The following PRKD1 variants were observed in gnomAD, a reference collection of about 807,000 sequenced individuals.
PRKD1 encodes protein kinase D1.
Under a neutral mutation model 95.9 loss-of-function variants are expected in PRKD1, and 63 were observed. The ratio of observed to expected loss-of-function variants is 0.66; its 90% CI spans 0.54 to 0.81. The LOEUF (loss-of-function observed/expected upper bound fraction) is 0.81. PRKD1 is among the 30% of genes least tolerant of loss of function. The probability of loss-of-function intolerance (pLI) is 0.00; values close to 1 mark genes in which losing one functional copy is unlikely to be tolerated. For synonymous variants in PRKD1, 425 were observed against 423.1 expected, an observed-to-expected ratio of 1.00 and a Z score of -0.05; for missense variants, 1,048 against 1,165.3, an observed-to-expected ratio of 0.90 and a Z score of 1.47.
chr14:29,769,438 A>G (rs1471308542), intron 1 of PRKD1, among the ~76,000 whole-genome samples: 1 of 152,138 alleles, frequency 6.6e-6, no homozygotes, highest in Admixed American at 6.6e-5. Context: ...GTGTGATAGC[A>G]TACACATGTA....
chr14:29,811,588 G>T (rs758473040), intron 1 of PRKD1, among the ~76,000 whole-genome samples: 1 of 152,196 alleles, frequency 6.6e-6, no homozygotes, highest in Non-Finnish European at 1.5e-5. Context: ...AGACCTGTGG[G>T]GCTCCTGCGT....
intron 1 of PRKD1, among the ~76,000 whole-genome samples, chr14:29,819,947 C>A (rs1261717642): frequency 6.6e-6 from 1 of 152,106 alleles, no homozygotes; most frequent in Non-Finnish European, 1.5e-5. Context: ...AGTTTGCCCT[C>A]AAGGTATTGA....
intron 1 of PRKD1, among the ~76,000 whole-genome samples, chr14:29,887,710 A>C (rs1391606011): frequency 6.6e-6 from 1 of 152,206 alleles, no homozygotes; most frequent in African/African-American, 2.4e-5. Context: ...TGTACCTTTT[A>C]TATACTTAGA....
chr14:29,830,758 T>C (rs1359312682), intron 1 of PRKD1, among the ~76,000 whole-genome samples: 2 of 151,974 alleles, frequency 1.3e-5, no homozygotes, highest in Admixed American at 6.6e-5. Flanking sequence ...AGTGGCATGA[T>C]CACGGCTCAC....
chr14:29,808,859 T>C (rs1890360928), intron 1 of PRKD1, among the ~76,000 whole-genome samples: 1 of 152,222 alleles, frequency 6.6e-6, no homozygotes, highest in African/African-American at 2.4e-5. Flanking sequence ...ATCATGAAGA[T>C]TCTTAATGGC....
intron 1 of PRKD1, among the ~76,000 whole-genome samples, chr14:29,924,522 CTA>C (rs1895232271): frequency 6.6e-6 from 1 of 152,128 alleles, no homozygotes; most frequent in South Asian, 2.1e-4. Context: ...CTCGTATGAT[CTA>C]TGTTAGTACT....
At chr14:29,872,577 AC>A (rs1893146852) in intron 1 of PRKD1, among the ~76,000 whole-genome samples, 1 of 151,012 alleles carries the variant, frequency 6.6e-6, no homozygotes, top group African/African-American at 2.4e-5. Flanking sequence ...AAGTGCTTGA[AC>A]CCGGGAGGCG....
At chr14:29,654,978 T>C (rs1881753458) in intron 4 of PRKD1, among the ~76,000 whole-genome samples, 1 of 152,224 alleles carries the variant, frequency 6.6e-6, no homozygotes, top group Non-Finnish European at 1.5e-5. Flanking sequence ...CACATCTTAT[T>C]TCCATCAGGA....
intron 1 of PRKD1, among the ~76,000 whole-genome samples, chr14:29,792,248 T>C (rs1002025469): frequency 1.3e-5 from 2 of 152,138 alleles, no homozygotes; most frequent in Non-Finnish European, 2.9e-5. Context: ...ACTTCCTTTC[T>C]ATAGATTTAT....
intron 1 of PRKD1, among the ~76,000 whole-genome samples, chr14:29,781,865 G>T (rs997029191): frequency 6.6e-6 from 1 of 152,140 alleles, no homozygotes; most frequent in East Asian, 1.9e-4. Flanking sequence ...GGAGACAACA[G>T]TATCATTTGT....
At chr14:29,776,777 T>A (rs1209704401) in intron 1 of PRKD1, among the ~76,000 whole-genome samples, 1 of 152,042 alleles carries the variant, frequency 6.6e-6, no homozygotes, top group Non-Finnish European at 1.5e-5. Context: ...ACATTCAAAT[T>A]CAGGAAACAC....
At chr14:29,655,640 C>T (rs768292615) in intron 4 of PRKD1, among the ~76,000 whole-genome samples, 3 of 152,152 alleles carry the variant, frequency 2.0e-5, no homozygotes, top group Non-Finnish European at 2.9e-5. Flanking sequence ...GACCTAAATA[C>T]TTCTCCTCCA....
At chr14:29,921,387 T>A (rs1029920422) in intron 1 of PRKD1, among the ~76,000 whole-genome samples, 1 of 151,462 alleles carries the variant, frequency 6.6e-6, no homozygotes. Flanking sequence ...TATATTGATA[T>A]AAGAATAAGA....
At chr14:29,753,953 CA>C (rs1297477096) in intron 1 of PRKD1, among the ~76,000 whole-genome samples, 1 of 152,132 alleles carries the variant, frequency 6.6e-6, no homozygotes, top group Non-Finnish European at 1.5e-5. Flanking sequence ...CATACGTATG[CA>C]AAAGGGCTGA....
chr14:29,834,100 T>C (rs1048330559), intron 1 of PRKD1, among the ~76,000 whole-genome samples: 2 of 152,186 alleles, frequency 1.3e-5, no homozygotes, highest in African/African-American at 2.4e-5. Context: ...TTAAATACTA[T>C]GTGTTCATGA....
At chr14:29,659,678 A>C (rs78058793) in intron 4 of PRKD1, among the ~76,000 whole-genome samples, 3,224 of 152,328 alleles carry the variant, frequency 0.021, 50 homozygotes, top group Non-Finnish European at 0.032. Flanking sequence ...ATGTAGACAT[A>C]GGTCATTACA....
In PRKD1 at chr14:29,910,328, G is replaced by A. The variant is rs188210515; in HGVS notation, c.264+16921C>T. 6.7e-4 allele frequency among the ~76,000 whole-genome samples: 102 copies of A among 152,154 alleles called. No homozygotes were observed. In the Middle Eastern group the frequency reaches 0.01, roughly 15 times the overall value. ...TCACTCATGAAGCCAGCAAGACCAC[G>A]AGCCCACCAGAAGGAATAAACTCTG... On this transcript the variant is annotated intron_variant, in intron 1 of 17. Coordinates refer to ENST00000331968, the MANE Select transcript of PRKD1 (RefSeq NM_002742.3).
chr14:29,697,173 A>C (rs1156337649), intron 2 of PRKD1, among the ~76,000 whole-genome samples: 1 of 150,814 alleles, frequency 6.6e-6, no homozygotes, highest in Non-Finnish European at 1.5e-5. Flanking sequence ...TAAAAAAAAA[A>C]CAAACAAACA....
chr14:29,600,056 T>G (rs1388898585), intron 13 of PRKD1, among the ~76,000 whole-genome samples: 3 of 152,212 alleles, frequency 2.0e-5, no homozygotes, highest in Non-Finnish European at 2.9e-5. Flanking sequence ...AAATCCAAGT[T>G]CTAGCACAGT....
Sources: allele counts gnomAD v4.1 joint callset (sites outside exome capture counted in the v4.1 genomes callset), GRCh38; gene constraint gnomAD v4.1.1; transcripts MANE v1.5; gene names NCBI Gene and HGNC (gene_info 2026-07-23, HGNC 2026-07-21).